Variants in ITSN1 observed in about 807,000 individuals in gnomAD.
ITSN1 encodes the protein intersectin-1.
A neutral mutation model predicts 239.8 loss-of-function variants in ITSN1; 58 were observed. That is an observed-to-expected ratio of 0.24 (90% CI 0.20 to 0.30). ITSN1 has a LOEUF of 0.30. Among genes scored for constraint, ITSN1 ranks in the 10% least tolerant of loss-of-function variants. The pLI, the probability that ITSN1 is intolerant of heterozygous loss-of-function variation, is 1.00. For synonymous variants in ITSN1, 780 were observed against 770.8 expected (o/e 1.01, Z -0.20); for missense variants, 1,558 against 2,103.3 (o/e 0.74, Z 5.07).
intron 16 of ITSN1, among the ~76,000 whole-genome samples, chr21:33,790,455 C>T (rs2147979514): frequency 6.6e-6 from 1 of 152,076 alleles, no homozygotes; most frequent in East Asian, 1.9e-4. Context: ...ATTACATACT[C>T]TACCTAGTGT....
In ITSN1 at chr21:33,797,447, G is replaced by A; in HGVS notation, c.2021G>A (p.Arg674Lys). Reference sequence around the variant, plus strand: ...CAGGAGGACGAGCATCAGAGACCAAGAAAACTCCACGAAGAGGAAAAACTG... The same window carrying A: ...CAGGAGGACGAGCATCAGAGACCAAAAAAACTCCACGAAGAGGAAAAACTG... ...VQQEDEHQRP[R>K]KLHEEEKLKR... The change falls in exon 18 of 40, where the codon AGA becomes AAA. Residue 674 changes from arginine to lysine, a missense_variant. Physicochemically the swap from Arg to Lys is conservative, Grantham distance 26 (BLOSUM62 2). This residue lies in a region of ITSN1 where 982 missense variants were observed against 1,209.9 expected (regional missense o/e 0.81). Transcript: ENST00000381318. The surrounding 1 kb of genome is among the most constrained non-coding windows in gnomAD (Gnocchi z 4.9). 1 of 1,614,050 alleles carries A rather than the reference G, an allele frequency of 6.2e-7. No individual in the cohort carries two copies. The highest frequency in any genetic ancestry group is 8.5e-7 in the Non-Finnish European group (1 of 1,180,014).
At chr21:33,770,094 G>A (rs1407972790) in intron 11 of ITSN1, among the ~76,000 whole-genome samples, 1 of 151,452 alleles carries the variant, frequency 6.6e-6, no homozygotes, top group African/African-American at 2.4e-5. Context: ...ATGGAGTTTT[G>A]CTCTTGTTGC....
chr21:33,718,248 A>G (rs2065281483), intron 1 of ITSN1, among the ~76,000 whole-genome samples: 1 of 152,228 alleles, frequency 6.6e-6, no homozygotes, highest in Non-Finnish European at 1.5e-5. Context: ...CAATGAAAAG[A>G]AGCTTTGATT....
chr21:33,837,010 C>A (rs762603747), intron 29 of ITSN1: 13 of 1,613,406 alleles, frequency 8.1e-6, no homozygotes, highest in Admixed American at 6.7e-5. Context: ...TCCATCCCCC[C>A]CTCAGGCTTG....
Position 33,653,611 on chromosome 21 carries a change from C to T in ITSN1, c.-33+10898C>T, listed in dbSNP as rs569483488. On this transcript the variant is annotated intron_variant, in intron 1 of 39. Coordinates refer to ENST00000381318, the MANE Select transcript of ITSN1 (RefSeq NM_003024.3). ...GATCTCAGCTCACTGCAAGCTCCAC[C>T]TCCCGGGATCATGCCATTCTCCTGC... Among the ~76,000 whole-genome samples the T allele has an allele frequency of 3.5e-3, 527 of 152,174 alleles. 3 individuals are homozygous for T. The highest frequency in any genetic ancestry group is 0.012 in the African/African-American group (501 of 41,516).
intron 1 of ITSN1, among the ~76,000 whole-genome samples, chr21:33,643,109 G>C (rs1449327856): frequency 6.6e-6 from 1 of 151,026 alleles, no homozygotes; most frequent in Non-Finnish European, 1.5e-5. Flanking sequence ...GGCCGCCGGC[G>C]AGGGGCGGCC....
intron 23 of ITSN1, 34 bp from the exon 24 acceptor site, chr21:33,819,207 A>C: frequency 6.6e-7 from 1 of 1,524,606 alleles, no homozygotes; most frequent in Non-Finnish European, 9.0e-7. Flanking sequence ...TTTGAAGATA[A>C]AAATTAAAAT....
Position 33,797,598 on chromosome 21 carries a change from G to T in ITSN1, c.2172G>T (p.Trp724Cys), listed in dbSNP as rs1243067624. ...CTAAGCCAGCTGTCCAGGCACCCTG[G>T]TCCACTGCAGGTATTAGAAGCCAAA... ...EPAKPAVQAPWSTAEKGPLTI... is the reference protein window; with the variant it reads ...EPAKPAVQAPCSTAEKGPLTI... The change falls in exon 18 of 40, where the codon TGG becomes TGT. Residue 724 changes from tryptophan to cysteine, a missense_variant. Around this residue, in one of 2 missense-constraint regions of ITSN1, gnomAD observed 982 missense variants for 1,209.9 expected, o/e 0.81. Transcript: ENST00000381318. The surrounding 1 kb of genome is among the most constrained non-coding windows in gnomAD (Gnocchi z 4.9). The T allele has an allele frequency of 6.2e-7, 1 of 1,613,574 alleles. No homozygotes were observed. The highest frequency in any genetic ancestry group is 8.5e-7 in the Non-Finnish European group (1 of 1,179,736).
rs764104430 is a variant in ITSN1, at chr21:33,819,221, C to G, written c.2934-20C>G. On this transcript the variant is annotated intron_variant, in intron 23 of 39. Coordinates refer to ENST00000381318, the MANE Select transcript of ITSN1 (RefSeq NM_003024.3). ...CTTTGAAGATAAAAATTAAAATACT[C>G]TCTTCTTCCATTATTGCAGCATGGA... The G allele has an allele frequency of 6.4e-7, 1 of 1,572,588 alleles. No individual in the cohort carries two copies. Among genetic ancestry groups the G allele is most frequent in the Non-Finnish European group, 8.7e-7 (1 of 1,146,062 alleles).
intron 1 of ITSN1, among the ~76,000 whole-genome samples, chr21:33,711,652 TTGTGTGTG>T (rs58696981): frequency 0.04 from 5,330 of 134,846 alleles, 146 homozygotes; most frequent in African/African-American, 0.076. Flanking sequence ...TTTCTGTGTG[TTGTGTGTG>T]TGTGTGTGTG....
At chr21:33,650,810 G>A (rs1360196307) in intron 1 of ITSN1, among the ~76,000 whole-genome samples, 1 of 152,116 alleles carries the variant, frequency 6.6e-6, no homozygotes, top group African/African-American at 2.4e-5. Flanking sequence ...AGTTCCCTTT[G>A]CCTTTATTTT....
intron 7 of ITSN1, among the ~76,000 whole-genome samples, chr21:33,754,882 G>A (rs761947667): frequency 1.8e-4 from 27 of 152,128 alleles, no homozygotes; most frequent in Non-Finnish European, 3.1e-4. Flanking sequence ...TGGAGAATTA[G>A]TACCTTTAAA....
intron 1 of ITSN1, among the ~76,000 whole-genome samples, chr21:33,704,315 A>G (rs1447508018): frequency 1.3e-5 from 2 of 152,164 alleles, no homozygotes; most frequent in African/African-American, 4.8e-5. Flanking sequence ...ATTACAAAAA[A>G]AATTGGTTTA....
intron 4 of ITSN1, among the ~76,000 whole-genome samples, chr21:33,728,693 A>G (rs1374127310): frequency 1.3e-5 from 2 of 152,132 alleles, no homozygotes; most frequent in Admixed American, 1.3e-4. Flanking sequence ...TTCCCTGACC[A>G]GCTAGTGTAA....
chr21:33,744,238 GAT>G lies in ITSN1; in HGVS notation c.347-5902_347-5901del, dbSNP rs564722621. On this transcript the variant is annotated intron_variant, in intron 5 of 39. Transcript: ENST00000381318. ...TTGTTATTCTGAAACTGTTGTCTGA[GAT>G]ATGTGGTAAAAACAAATAAGTAATT... Among the ~76,000 whole-genome samples, 13 of 152,140 alleles carry G rather than the reference GAT, an allele frequency of 8.5e-5. No homozygotes were observed. The South Asian group carries it at 2.5e-3, about 29-fold the overall frequency.
chr21:33,808,355 C>T (rs568817478), intron 20 of ITSN1, among the ~76,000 whole-genome samples: 107 of 152,142 alleles, frequency 7.0e-4, no homozygotes, highest in African/African-American at 2.4e-3. Flanking sequence ...GAGGCCTAGG[C>T]GGGCAGATCA....
intron 29 of ITSN1, among the ~76,000 whole-genome samples, chr21:33,850,497 G>T (rs1214431429): frequency 6.6e-6 from 1 of 152,212 alleles, no homozygotes. Context: ...TTGGAGTGAT[G>T]CCCTGTGCAA....
chr21:33,842,399 A>C (rs1200090973), intron 29 of ITSN1, among the ~76,000 whole-genome samples: 1 of 152,222 alleles, frequency 6.6e-6, no homozygotes. Flanking sequence ...AATGAGCATC[A>C]GCTATAAGAT....
rs2148582919 is a variant in ITSN1, at chr21:33,891,228, G to A, written c.*2928G>A. The A allele has an allele frequency of 6.6e-6, 1 of 152,362 alleles. No homozygotes were observed. The highest frequency in any genetic ancestry group is 2.4e-5 in the African/African-American group (1 of 41,590). The allele number at this position is 152,362 out of a possible 1,614,324, so 9.4% of individuals were successfully genotyped here. ...TAATCTGGAAAGAGGGACTTTCTAGGTGCAGGTCACCAGGGATGCTTGAGA... is the reference window on the plus strand; with the variant it reads ...TAATCTGGAAAGAGGGACTTTCTAGATGCAGGTCACCAGGGATGCTTGAGA... On this transcript the variant is annotated 3_prime_UTR_variant, in exon 40 of 40. Coordinates refer to ENST00000381318, the MANE Select transcript of ITSN1 (RefSeq NM_003024.3).
Sources: gnomAD v4.1 joint callset for allele counts (sites outside exome capture counted in the v4.1 genomes callset) on GRCh38, gnomAD v4.1.1 for gene constraint, gnomAD v4.1.1 regional missense constraint, Gnocchi (gnomAD v3.1) non-coding constraint, MANE v1.5 for transcripts, NCBI Gene and HGNC (gene_info 2026-07-23, HGNC 2026-07-21) for gene names.